The following ATP2C2 variants were observed in gnomAD, a reference collection of about 807,000 sequenced individuals.
ATP2C2 encodes the protein ATPase secretory pathway Ca2+ transporting 2, also known as calcium-transporting ATPase type 2C member 2.
In ATP2C2, 171 loss-of-function variants were observed where a neutral mutation model predicts 110.8. The observed-to-expected ratio is 1.54, with a 90% CI of 1.36 to 1.75. ATP2C2 has a LOEUF of 1.75. ATP2C2 is among the 40% of genes most tolerant of loss of function. The pLI, the probability that ATP2C2 is intolerant of heterozygous loss-of-function variation, is 0.00. For missense variants in ATP2C2, 1,963 were observed against 1,235.0 expected (o/e 1.59, Z -8.84); for synonymous variants, 804 against 508.4 (o/e 1.58, Z -7.82).
At chr16:84,368,855 C>T in intron 1 of ATP2C2, 141 bp downstream of exon 1, 2 of 733,136 alleles carry the variant, frequency 2.7e-6, no homozygotes, top group East Asian at 3.2e-5. Context: ...AGAAGCTGTC[C>T]TCACAGCAAC....
intron 1 of ATP2C2, among the ~76,000 whole-genome samples, chr16:84,390,921 C>T (rs1336147809): frequency 5.3e-5 from 8 of 151,924 alleles, no homozygotes; most frequent in Non-Finnish European, 1.2e-4. Context: ...TGAGACCAGC[C>T]CGGCCAACAT....
At chr16:84,409,736 CAG>C (rs1906104568) in intron 4 of ATP2C2, among the ~76,000 whole-genome samples, 1 of 152,130 alleles carries the variant, frequency 6.6e-6, no homozygotes, top group African/African-American at 2.4e-5. Flanking sequence ...CTCTTGACCT[CAG>C]GTGATCCGCC....
intron 11 of ATP2C2, among the ~76,000 whole-genome samples, chr16:84,428,972 T>A (rs71386834): frequency 0.37 from 56,441 of 151,752 alleles, 10,608 homozygotes; most frequent in South Asian, 0.4. Context: ...TTTCCCTGAA[T>A]ATATGCCCAG....
At chr16:84,420,870 A>G (rs557636611) in intron 7 of ATP2C2, among the ~76,000 whole-genome samples, 81 of 152,156 alleles carry the variant, frequency 5.3e-4, no homozygotes, top group Non-Finnish European at 1.0e-3. Flanking sequence ...CAGTGGGGCA[A>G]TCTCGGCTCA....
chr16:84,439,132 T>A, intron 11 of ATP2C2, 34 bp from the exon 12 acceptor site: 2 of 1,611,200 alleles, frequency 1.2e-6, no homozygotes, highest in Non-Finnish European at 1.7e-6. Flanking sequence ...TCCTTAAATG[T>A]GTTAGAGGGG....
At chr16:84,452,342 G>C (rs1910363649) in intron 18 of ATP2C2, among the ~76,000 whole-genome samples, 1 of 152,134 alleles carries the variant, frequency 6.6e-6, no homozygotes, top group Non-Finnish European at 1.5e-5. Flanking sequence ...TGTGTCAGGG[G>C]CTTTTCATCC....
intron 1 of ATP2C2, among the ~76,000 whole-genome samples, chr16:84,396,811 A>T (rs1038406845): frequency 6.6e-6 from 1 of 151,924 alleles, no homozygotes; most frequent in South Asian, 2.1e-4. Context: ...AGGGCTCCCA[A>T]TGGATGGCTA....
intron 17 of ATP2C2, 107 bp from the exon 18 acceptor site, chr16:84,451,814 G>T: frequency 8.5e-7 from 1 of 1,171,962 alleles, no homozygotes; most frequent in Non-Finnish European, 1.2e-6. Context: ...CTCCAACCTG[G>T]GCGATAAGAA....
At chr16:84,373,119 C>CAAAA (rs34143321) in intron 1 of ATP2C2, among the ~76,000 whole-genome samples, 1 of 103,934 alleles carries the variant, frequency 9.6e-6, no homozygotes, top group Non-Finnish European at 1.8e-5. Flanking sequence ...GACTCCCTCT[C>CAAAA]AAAAAAAAAA....
intron 1 of ATP2C2, among the ~76,000 whole-genome samples, chr16:84,369,928 A>G (rs903639577): frequency 2.6e-5 from 4 of 152,366 alleles, no homozygotes; most frequent in Admixed American, 6.5e-5. Flanking sequence ...ATAGAGTTCA[A>G]TTAATTGGCT....
At chr16:84,402,179 C>G (rs992483405) in intron 2 of ATP2C2, among the ~76,000 whole-genome samples, 14 of 152,188 alleles carry the variant, frequency 9.2e-5, no homozygotes, top group African/African-American at 3.4e-4. Context: ...TTTGTATCCT[C>G]TAACTTTACT....
chr16:84,412,186 T>C (rs905808657), intron 6 of ATP2C2, among the ~76,000 whole-genome samples: 2 of 152,190 alleles, frequency 1.3e-5, no homozygotes, highest in Non-Finnish European at 2.9e-5. Context: ...ACCTGACTAC[T>C]TTTTTGTATC....
chr16:84,402,032 T>C (rs1259998087), intron 2 of ATP2C2, among the ~76,000 whole-genome samples: 2 of 152,208 alleles, frequency 1.3e-5, no homozygotes, highest in Non-Finnish European at 2.9e-5. Flanking sequence ...GTTTTCATTG[T>C]AGAGATCTTT....
intron 7 of ATP2C2, among the ~76,000 whole-genome samples, chr16:84,416,768 C>T (rs915740360): frequency 1.3e-5 from 2 of 152,144 alleles, no homozygotes; most frequent in South Asian, 4.1e-4. Context: ...CCCGCCTCTC[C>T]CCGTGTTCAG....
chr16:84,416,291 A>G (rs1906827484), intron 7 of ATP2C2, among the ~76,000 whole-genome samples: 3 of 152,238 alleles, frequency 2.0e-5, no homozygotes, highest in Admixed American at 2.0e-4. Context: ...CTGGGTTCCC[A>G]AGAGGTTACA....
intron 12 of ATP2C2, 27 bp from the exon 13 acceptor site, chr16:84,439,400 T>TTC (rs2150566402): frequency 1.2e-6 from 2 of 1,613,132 alleles, no homozygotes; most frequent in East Asian, 2.2e-5. Flanking sequence ...CAACTTCTCT[T>TTC]CTATAAACTG....
At chr16:84,439,910 C>G (rs1031210348) in intron 13 of ATP2C2, among the ~76,000 whole-genome samples, 1 of 152,212 alleles carries the variant, frequency 6.6e-6, no homozygotes, top group Non-Finnish European at 1.5e-5. Flanking sequence ...TCTCTGCTCA[C>G]TGTAACCTTC....
rs149173358 is a variant in ATP2C2 at position 84,398,310 on chromosome 16, A to G, written c.100-189A>G. ...AATCCCAGCTACTCGGGAGGCTGAG[A>G]CAGAAGAATCTCTTGAACCCGGTAA... is the stretch of plus-strand genomic sequence containing the variant. On this transcript the variant is annotated intron_variant, in intron 1 of 26. Transcript: ENST00000262429. 5.6e-3 allele frequency among the ~76,000 whole-genome samples: 855 copies of G among 152,166 alleles called. 5 individuals carry two copies. The highest frequency in any genetic ancestry group is 8.6e-3 in the Non-Finnish European group (584 of 67,986).
Position 84,442,564 on chromosome 16 carries a change from C to A in ATP2C2, c.1366C>A (p.Pro456Thr), listed in dbSNP as rs779856352. Residue 456 changes from proline to threonine, a missense_variant, in exon 15 of 27, where the codon CCC becomes ACC. Physicochemically the swap from Pro to Thr is conservative, Grantham distance 38. Coordinates refer to ENST00000262429, the MANE Select transcript of ATP2C2 (RefSeq NM_014861.4). ...VIRKNAVMGQ[P>T]TEGALMALAM... ...CAGAAAGAACGCCGTGATGGGGCAG[C>A]CCACCGAGGGTGCATTGATGGCCCT... is the stretch of plus-strand genomic sequence containing the variant. The A allele has an allele frequency of 3.1e-6, 5 of 1,613,814 alleles. No homozygotes were observed. Among genetic ancestry groups the A allele is most frequent in the Admixed American group, 1.7e-5 (1 of 59,982 alleles).
Sources: allele counts gnomAD v4.1 joint callset (sites outside exome capture counted in the v4.1 genomes callset), GRCh38; gene constraint gnomAD v4.1.1; transcripts MANE v1.5; gene names NCBI Gene and HGNC (gene_info 2026-07-23, HGNC 2026-07-21).